The following TTN variants were observed in gnomAD, a reference collection of about 807,000 sequenced individuals.
TTN encodes titin, also known as connectin.
Under a neutral mutation model 3,223.0 loss-of-function variants are expected in TTN, and 1,525 were observed. The ratio of observed to expected loss-of-function variants is 0.47; its 90% confidence interval spans 0.45 to 0.49. The LOEUF (loss-of-function observed/expected upper bound fraction) is 0.49, where lower values mean the gene tolerates loss of function less well. TTN is among the 20% of genes least tolerant of loss of function. The probability of loss-of-function intolerance (pLI) is 0.00; values close to 1 mark genes in which losing one functional copy is unlikely to be tolerated. For missense variants in TTN, 40,786 were observed against 43,424.0 expected, an observed-to-expected ratio of 0.94 and a Z score of 5.40; for synonymous variants, 14,094 against 15,161.0, an observed-to-expected ratio of 0.93 and a Z score of 5.17.
In TTN at chr2:178,794,532, T is replaced by C. The variant is rs1561464967; in HGVS notation, c.1265A>G (p.Lys422Arg). 6.2e-7 allele frequency: 1 copy of C among 1,614,226 alleles called. No homozygotes were observed. Among genetic ancestry groups the C allele is most frequent in the Non-Finnish European group, 8.5e-7 (1 of 1,180,024 alleles). Residue 422 changes from lysine (K) to arginine (R), a missense_variant, in exon 8 of 363, where the codon AAA becomes AGA. Coordinates refer to ENST00000589042, the MANE Select transcript of TTN (RefSeq NM_001267550.2). ...GAKEVKQDAD[K>R]SAAVATVVAA... ...AACAACAGTCGCAACAGCTGCACTT[T>C]TGTCAGCATCTTGTTTCACCTAGAT...
chr2:178,584,278 A>G lies in TTN; in HGVS notation c.65273T>C (p.Val21758Ala). 6.4e-7 allele frequency: 1 copy of G among 1,551,266 alleles called. No homozygotes were observed. Among genetic ancestry groups the G allele is most frequent in the Non-Finnish European group, 8.7e-7 (1 of 1,149,810 alleles). Residue 21758 changes from valine to alanine, a missense_variant and splice_region_variant, in exon 311 of 363, where the codon GTT (valine) becomes GCT (alanine). Transcript: ENST00000589042. ...PTEYVTARMP[V>A]DPPGKPEVID... ...AATAAAAAAACCCCAAAACTTACCA[A>G]CTGGCATTCTTGCAGTTACATATTC...
Position 178,695,921 on chromosome 2 carries a change from C to T in TTN, c.31151G>A (p.Trp10384Ter). Residue 10384 changes from tryptophan to a stop codon, truncating the protein, a stop_gained, in exon 114 of 363, where the codon TGG becomes TAG. Coordinates refer to ENST00000589042, the MANE Select transcript of TTN (RefSeq NM_001267550.2). LOFTEE classifies it high-confidence loss of function. ...EEGYDEGEEE[W>*]EEAYQEREVI... ...TTCCCTTTCTTGGTAAGCCTCTTCC[C>T]ACTCTTCCTCCCCTTCGTCATAGCC... The T allele has an allele frequency of 6.7e-7, 1 of 1,486,452 alleles. No homozygotes were observed. The highest frequency in any genetic ancestry group is 8.9e-7 in the Non-Finnish European group (1 of 1,119,178). The allele number at this position is 1,486,452 out of a possible 1,614,324, so 92.1% of individuals were successfully genotyped here.
At chr2:178,747,574 T>C (rs2084027841) in intron 47 of TTN, 3 of 1,613,174 alleles carry the variant, frequency 1.9e-6, no homozygotes, top group African/African-American at 2.7e-5. Context: ...TGAAAGTTAC[T>C]TCTTCCACCT....
At position 178,714,553 on chromosome 2, in the gene TTN, T is replaced by G; in HGVS notation, c.26221A>C (p.Lys8741Gln). ...ACGACAGTAGATATGTCACTGAGCT[T>G]CTTCACAAATCTTGGTGGTGCTGAT... ...ALKAPPRFVK[K>Q]LSDISTVVGK... The change falls in exon 91 of 363, where the codon AAG becomes CAG. Residue 8741 changes from lysine to glutamine, a missense_variant. Physicochemically the swap from Lys to Gln is moderately conservative, Grantham distance 53 (BLOSUM62 1). Transcript: ENST00000589042. The G allele has an allele frequency of 6.2e-7, 1 of 1,603,650 alleles. No homozygotes were observed. Among genetic ancestry groups the G allele is most frequent in the South Asian group, 1.1e-5 (1 of 89,868 alleles).
In TTN at chr2:178,616,881, A is replaced by T; in HGVS notation, c.48008T>A (p.Leu16003Gln). The change falls in exon 256 of 363, where the codon CTA becomes CAA. Residue 16003 changes from leucine (L) to glutamine (Q), a missense_variant. Transcript: ENST00000589042. The part of the protein sequence containing the change: ...TATWCFGDKV[L>Q]ETGDRVKMKT... Reference sequence around the variant, plus strand: ...CATTTTCACCCGGTCCCCTGTTTCTAGTACTTTATCTCCAAAACACCAGGT... The same window carrying T: ...CATTTTCACCCGGTCCCCTGTTTCTTGTACTTTATCTCCAAAACACCAGGT... 1 of 1,612,700 alleles carries T rather than the reference A, an allele frequency of 6.2e-7. No homozygotes were observed. The highest frequency in any genetic ancestry group is 8.5e-7 in the Non-Finnish European group (1 of 1,179,178).
At position 178,569,405 on chromosome 2, in the gene TTN, C is replaced by T. The variant is rs1184700085; in HGVS notation, c.76727G>A (p.Ser25576Asn). 1 of 1,613,208 alleles carries T rather than the reference C, an allele frequency of 6.2e-7. No individual in the cohort carries two copies. The highest frequency in any genetic ancestry group is 8.5e-7 in the Non-Finnish European group (1 of 1,179,592). Residue 25576 changes from serine (S) to asparagine (N), a missense_variant, in exon 326 of 363, where the codon AGT becomes AAT. Ser to Asn is a conservative substitution (Grantham distance 46). Transcript: ENST00000589042. ...TTCTAATGTAAGCGTATATTTTCCA[C>T]TATCATATCGGTTGACATTGTCAAG... ...LVLDNVNRYD[S>N]GKYTLTLENS...
At chr2:178,721,606 C>T (rs1168749752) in intron 78 of TTN, among the ~76,000 whole-genome samples, 1 of 151,966 alleles carries the variant, frequency 6.6e-6, no homozygotes, top group African/African-American at 2.4e-5. Flanking sequence ...GTTAAAACAA[C>T]ATTTAACAAA....
In TTN at chr2:178,682,734, C is replaced by T. The variant is rs759969938; in HGVS notation, c.33057G>A (p.Glu11019=). The T allele has an allele frequency of 3.7e-6, 6 of 1,612,694 alleles. No individual in the cohort carries two copies. In the Admixed American group the frequency reaches 5.0e-5, roughly 13 times the overall value. ...CTTCATGCTCTTCATATCGTTCATA[C>T]TCCCGCTCCTCGTATTCTTCATATT... ...YDQYEEYEER[E]YERYEEHEEY... Residue 11019 remains glutamate (E), a synonymous_variant, in exon 135 of 363, where the codon GAG becomes GAA. Coordinates refer to ENST00000589042, the MANE Select transcript of TTN (RefSeq NM_001267550.2).
At position 178,757,861 on chromosome 2, in the gene TTN, T is replaced by C; in HGVS notation, c.10359A>G (p.Ser3453=). Residue 3453 remains serine (S), a synonymous_variant, in exon 45 of 363, where the codon TCA becomes TCG. Transcript: ENST00000589042. ...TSNSQWHVSL[S]VSFKKEPLGQ... Reference sequence around the variant, plus strand: ...CAAGGGGCTCCTTCTTAAATGAAACTGATAAAGAGACATGCCATTGGGAGT... The same window carrying C: ...CAAGGGGCTCCTTCTTAAATGAAACCGATAAAGAGACATGCCATTGGGAGT... The C allele has an allele frequency of 6.4e-7, 1 of 1,562,622 alleles. No individual in the cohort carries two copies. Among genetic ancestry groups the C allele is most frequent in the Non-Finnish European group, 8.6e-7 (1 of 1,156,768 alleles).
chr2:178,719,186 G>A lies in TTN; in HGVS notation c.24204C>T (p.Cys8068=). 1 of 1,613,544 alleles carries A rather than the reference G, an allele frequency of 6.2e-7. No homozygotes were observed. Among genetic ancestry groups the A allele is most frequent in the Non-Finnish European group, 8.5e-7 (1 of 1,179,572 alleles). The change falls in exon 83 of 363, where the codon TGC becomes TGT. Residue 8068 remains cysteine (C), a synonymous_variant. Transcript: ENST00000589042. ...GACCTTGCACAGTCAGGACTGCTGA[G>A]CACTCATCGGAACCAGCTACATTGG... is the stretch of plus-strand genomic sequence containing the variant. The part of the protein sequence containing the change: ...VAANVAGSDE[C]SAVLTVQEPP...
At chr2:178,714,865 A>T in intron 90 of TTN, 121 bp downstream of exon 90, 2 of 1,306,538 alleles carry the variant, frequency 1.5e-6, no homozygotes, top group Admixed American at 4.7e-5. Context: ...GGACTTGGAG[A>T]GGAAACAAAG....
In TTN at chr2:178,542,566, A is replaced by G. The variant is rs757395872; in HGVS notation, c.97193-3T>C. ...TCCTGTTGGTGGACCAGGCTTGTCT[A>G]TGAAAGAGAAGAAATACAGGAAATT... On this transcript the variant is annotated splice_polypyrimidine_tract_variant and splice_region_variant and intron_variant, in intron 348 of 362. Transcript: ENST00000589042. The G allele has an allele frequency of 2.8e-5, 45 of 1,596,442 alleles. No individual in the cohort carries two copies. In the South Asian group the frequency reaches 4.8e-4, roughly 17 times the overall value.
chr2:178,660,267 G>A (rs1474068799), intron 180 of TTN, among the ~76,000 whole-genome samples: 2 of 3,064 alleles, frequency 6.5e-4, no homozygotes, highest in African/African-American at 1.4e-3. Context: ...AGCTGGAGGC[G>A]TCACGCTACT....
Position 178,586,819 on chromosome 2 carries a change from A to C in TTN, c.64094-12T>G. 1.2e-6 allele frequency: 2 copies of C among 1,604,788 alleles called. No individual in the cohort carries two copies. The highest frequency in any genetic ancestry group is 1.7e-6 in the Non-Finnish European group (2 of 1,177,538). ...GGGATCCGGCTCACCTAGAAGAAAA[A>C]CATAATTTAGAAGATTACCTAGGTA... On this transcript the variant is annotated splice_polypyrimidine_tract_variant and intron_variant, in intron 307 of 362. Transcript: ENST00000589042.
intron 118 of TTN, 103 bp downstream of exon 118, chr2:178,693,819 G>A: frequency 1.6e-6 from 2 of 1,236,996 alleles, no homozygotes; most frequent in Non-Finnish European, 2.3e-6. Flanking sequence ...GAATTTACAA[G>A]GAGACAGAAA....
chr2:178,542,907 A>C lies in TTN; in HGVS notation c.96947T>G (p.Ile32316Ser). Residue 32316 changes from isoleucine (I) to serine (S), a missense_variant, in exon 348 of 363, where the codon ATC becomes AGC. Ile to Ser is a moderately radical substitution (Grantham distance 142). Coordinates refer to ENST00000589042, the MANE Select transcript of TTN (RefSeq NM_001267550.2). ...TACTGGTCTGCCAGCTGGGACATGG[A>C]TGGTCTTCTGAGGCATTGTAGAAAG... is the stretch of plus-strand genomic sequence containing the variant. ...IDLSTMPQKT[I>S]HVPAGRPVEL... The C allele has an allele frequency of 6.2e-7, 1 of 1,613,022 alleles. No individual in the cohort carries two copies. The highest frequency in any genetic ancestry group is 1.7e-5 in the Admixed American group (1 of 60,000).
intron 223 of TTN, among the ~76,000 whole-genome samples, chr2:178,638,721 C>T (rs1024268571): frequency 6.6e-6 from 1 of 151,852 alleles, no homozygotes; most frequent in Non-Finnish European, 1.5e-5. Context: ...CCCACCACCA[C>T]CGCCCCCGCT....
At chr2:178,699,133 T>C (rs1193277294) in intron 111 of TTN, among the ~76,000 whole-genome samples, 1 of 151,960 alleles carries the variant, frequency 6.6e-6, no homozygotes, top group Non-Finnish European at 1.5e-5. Flanking sequence ...ACTGTGATCT[T>C]ACATCTTCAC....
Position 178,572,742 on chromosome 2 carries a change from G to A in TTN, c.73390C>T (p.Arg24464Trp), listed in dbSNP as rs369098292. The A allele has an allele frequency of 5.0e-6, 8 of 1,613,294 alleles. No individual in the cohort carries two copies. The highest frequency in any genetic ancestry group is 3.3e-5 in the South Asian group (3 of 91,058). ...TTATCTAAAGATTCTCCATGGTCCC[G>A]GGCCCACTTCACCTCAGGTGCAGGC... ...GRPAPEVKWARDHGESLDKAS... is the reference protein window; with the variant it reads ...GRPAPEVKWAWDHGESLDKAS... Residue 24464 changes from arginine (R) to tryptophan (W), a missense_variant, in exon 326 of 363, where the codon CGG becomes TGG. By Grantham distance (101) the Arg-to-Trp change is moderately radical. Transcript: ENST00000589042.
Sources: allele counts gnomAD v4.1 joint callset (sites outside exome capture counted in the v4.1 genomes callset), GRCh38; gene constraint gnomAD v4.1.1; transcripts MANE v1.5; gene names NCBI Gene and HGNC (gene_info 2026-07-23, HGNC 2026-07-21).